The following SYNPO2 variants were observed in gnomAD, a reference collection of about 807,000 sequenced individuals.
SYNPO2 encodes the protein synaptopodin 2.
Under a neutral mutation model 85.0 loss-of-function variants are expected in SYNPO2, and 56 were observed. The observed-to-expected ratio is 0.66, with a 90% CI of 0.53 to 0.82. The LOEUF (loss-of-function observed/expected upper bound fraction) is 0.82. Ranked by LOEUF, SYNPO2 falls within the 40% of genes least tolerant of loss-of-function variation. SYNPO2 has a pLI of 0.00. For synonymous variants in SYNPO2, 602 were observed against 591.1 expected, an observed-to-expected ratio of 1.02 and a Z score of -0.27; for missense variants, 1,575 against 1,534.2, an observed-to-expected ratio of 1.03 and a Z score of -0.44.
At chr4:119,019,378 A>G (rs551532576) in intron 1 of SYNPO2, among the ~76,000 whole-genome samples, 33 of 152,296 alleles carry the variant, frequency 2.2e-4, no homozygotes, top group African/African-American at 7.5e-4. Flanking sequence ...AATATATTAT[A>G]TGTAGAATGA....
intron 4 of SYNPO2, among the ~76,000 whole-genome samples, chr4:119,039,950 C>T (rs958622859): frequency 1.3e-5 from 2 of 152,142 alleles, no homozygotes; most frequent in African/African-American, 2.4e-5. Context: ...TCTAGGGCCG[C>T]GCTGCCTGCC....
chr4:118,879,471 C>G (rs546712757), intron 1 of SYNPO2, among the ~76,000 whole-genome samples: 4 of 152,052 alleles, frequency 2.6e-5, no homozygotes, highest in Non-Finnish European at 5.9e-5. Flanking sequence ...CCCTGTAAGA[C>G]GAGAGACACA....
chr4:119,051,134 A>C (rs1739022793), intron 4 of SYNPO2, among the ~76,000 whole-genome samples: 2 of 151,344 alleles, frequency 1.3e-5, no homozygotes, highest in Non-Finnish European at 2.9e-5. Context: ...TAGAAGTACA[A>C]GTAGATGTAA....
intron 1 of SYNPO2, among the ~76,000 whole-genome samples, chr4:118,913,810 C>T (rs937369495): frequency 1.3e-5 from 2 of 152,170 alleles, no homozygotes; most frequent in Non-Finnish European, 2.9e-5. Flanking sequence ...GTTTAAAAGT[C>T]TCTGTCTTCT....
chr4:118,894,303 G>C (rs1464558473), intron 1 of SYNPO2, among the ~76,000 whole-genome samples: 4 of 152,152 alleles, frequency 2.6e-5, no homozygotes, highest in African/African-American at 9.7e-5. Flanking sequence ...TTGGCACTGT[G>C]AGCAGGTCAT....
At chr4:118,978,368 C>A (rs938824351) in intron 1 of SYNPO2, among the ~76,000 whole-genome samples, 1 of 152,110 alleles carries the variant, frequency 6.6e-6, no homozygotes, top group African/African-American at 2.4e-5. Context: ...TGTTCAGTTG[C>A]ATCAAAAATA....
intron 1 of SYNPO2, among the ~76,000 whole-genome samples, chr4:118,899,903 A>G (rs1232597699): frequency 6.6e-6 from 1 of 152,104 alleles, no homozygotes; most frequent in Non-Finnish European, 1.5e-5. Flanking sequence ...CTGGGATTAC[A>G]GGCACCTGCC....
intron 1 of SYNPO2, among the ~76,000 whole-genome samples, chr4:118,966,581 G>A (rs1405479870): frequency 6.6e-6 from 1 of 152,106 alleles, no homozygotes; most frequent in African/African-American, 2.4e-5. Context: ...TGGACCCCAG[G>A]GCTGCTGCTA....
At chr4:118,966,398 A>G (rs552837505) in intron 1 of SYNPO2, among the ~76,000 whole-genome samples, 1 of 152,114 alleles carries the variant, frequency 6.6e-6, no homozygotes, top group Non-Finnish European at 1.5e-5. Flanking sequence ...GATAGATAGA[A>G]TAGGCTTGTT....
chr4:119,028,553 G>A (rs1307643462), intron 3 of SYNPO2, among the ~76,000 whole-genome samples: 1 of 152,096 alleles, frequency 6.6e-6, no homozygotes, highest in Non-Finnish European at 1.5e-5. Context: ...CTGTGCAACT[G>A]TGACTGTCAA....
chr4:118,897,703 G>A (rs1732593429), intron 1 of SYNPO2, among the ~76,000 whole-genome samples: 1 of 152,184 alleles, frequency 6.6e-6, no homozygotes, highest in African/African-American at 2.4e-5. Context: ...GGGGCACAAA[G>A]AGGTTAAGTG....
intron 1 of SYNPO2, among the ~76,000 whole-genome samples, chr4:119,022,707 A>ACATTT (rs1168650390): frequency 9.7e-6 from 1 of 103,100 alleles, no homozygotes; most frequent in African/African-American, 3.9e-5. Context: ...ATTTTATTTT[A>ACATTT]TATTTTATTT....
intron 4 of SYNPO2, among the ~76,000 whole-genome samples, chr4:119,039,062 C>T (rs879525851): frequency 6.6e-5 from 10 of 152,108 alleles, no homozygotes; most frequent in Admixed American, 5.9e-4. Context: ...ATTTGCAGAG[C>T]TTTATTGACT....
chr4:118,993,946 G>C (rs1450074898), intron 1 of SYNPO2, among the ~76,000 whole-genome samples: 1 of 152,194 alleles, frequency 6.6e-6, no homozygotes, highest in Non-Finnish European at 1.5e-5. Flanking sequence ...AGCCAGAAGA[G>C]ACATAGGCTT....
At position 119,061,214 on chromosome 4, in the gene SYNPO2, T is replaced by C. The variant is rs191746636; in HGVS notation, c.*3280T>C. 3 of 152,288 alleles carry C rather than the reference T, an allele frequency of 2.0e-5. No individual in the cohort carries two copies. Among genetic ancestry groups the C allele is most frequent in the Admixed American group, 2.0e-4 (3 of 15,294 alleles). The allele number at this position is 152,288 out of a possible 1,614,324, so 9.4% of individuals were successfully genotyped here. On this transcript the variant is annotated 3_prime_UTR_variant, in exon 5 of 5. Transcript: ENST00000307142. Reference sequence around the variant, plus strand: ...GAAATATGCATACGGAAAATTGAAATTATATTAGTAATAAATGTAACTTGA... The same window carrying C: ...GAAATATGCATACGGAAAATTGAAACTATATTAGTAATAAATGTAACTTGA...
At chr4:118,871,471 T>G (rs1731797796) in intron 1 of SYNPO2, among the ~76,000 whole-genome samples, 2 of 152,166 alleles carry the variant, frequency 1.3e-5, no homozygotes, top group African/African-American at 4.8e-5. Flanking sequence ...TCTCGTCTGT[T>G]CTACCTACCG....
chr4:118,911,625 T>G (rs1321621017), intron 1 of SYNPO2, among the ~76,000 whole-genome samples: 2 of 152,190 alleles, frequency 1.3e-5, no homozygotes, highest in Non-Finnish European at 2.9e-5. Flanking sequence ...GTAGTTTGCA[T>G]GAAGTCTCTG....
intron 1 of SYNPO2, among the ~76,000 whole-genome samples, chr4:118,852,705 T>TG: frequency 6.6e-6 from 1 of 152,190 alleles, no homozygotes. Flanking sequence ...CAACACACAC[T>TG]GGGGCCTATT....
chr4:119,030,867 A>G lies in SYNPO2; in HGVS notation c.2092A>G (p.Thr698Ala), dbSNP rs1178347018. The change falls in exon 4 of 5, where the codon ACT becomes GCT. Residue 698 changes from threonine to alanine, a missense_variant. By Grantham distance (58) the Thr-to-Ala change is moderately conservative. This residue lies in a region of SYNPO2 where 1,508 missense variants were observed against 1,446.8 expected (regional missense o/e 1.04). Coordinates refer to ENST00000307142, the MANE Select transcript of SYNPO2 (RefSeq NM_133477.3). ...GAGAAGCACGACAAAACCCATGTTT[A>G]CTTTTAAAGAGCCCAAAGTAAGCCC... ...KRRSTTKPMF[T>A]FKEPKVSPNP... is the part of the protein sequence containing the mutation. 6.2e-7 allele frequency: 1 copy of G among 1,614,212 alleles called. No homozygotes were observed. Among genetic ancestry groups the G allele is most frequent in the Non-Finnish European group, 8.5e-7 (1 of 1,180,028 alleles).
Sources: gnomAD v4.1 joint callset for allele counts (sites outside exome capture counted in the v4.1 genomes callset) on GRCh38, gnomAD v4.1.1 for gene constraint, gnomAD v4.1.1 regional missense constraint, MANE v1.5 for transcripts, NCBI Gene and HGNC (gene_info 2026-07-23, HGNC 2026-07-21) for gene names.